KLHL4: variants seen among roughly 807,000 people sequenced by gnomAD.
KLHL4 encodes kelch-like protein 4.
KLHL4 carries 17 observed loss-of-function variants against 45.8 expected under a neutral mutation model. The ratio of observed to expected loss-of-function variants is 0.37; its 90% confidence interval spans 0.25 to 0.56. The LOEUF (loss-of-function observed/expected upper bound fraction) is 0.56. KLHL4 is among the 20% of genes least tolerant of loss of function. The probability of loss-of-function intolerance (pLI) is 0.79; values close to 1 mark genes in which losing one functional copy is unlikely to be tolerated. For missense variants in KLHL4, 544 were observed against 544.9 expected (o/e 1.00, Z 0.02); for synonymous variants, 224 against 189.9 (o/e 1.18, Z -1.47).
At chrX:87,526,199 T>G (rs769205487) in intron 1 of KLHL4, among the ~76,000 whole-genome samples, 2 of 112,368 alleles carry the variant, frequency 1.8e-5, no homozygotes, top group South Asian at 7.3e-4. Context: ...AGTAACAGAC[T>G]GTCACATAAA....
chrX:87,572,695 T>G (rs1392441423), intron 1 of KLHL4, among the ~76,000 whole-genome samples: 1 of 110,051 alleles, frequency 9.1e-6, no homozygotes, highest in African/African-American at 3.3e-5. Context: ...GTTTCTATAG[T>G]TGAATAGTAA....
Position 87,668,421 on chromosome X carries a change from G to T in KLHL4, c.*1887G>T, listed in dbSNP as rs1410796128. ...TCTTCTCAATGGCATAGCTGGACTT[G>T]ATTAAGTATTGACTCATAGAAGAGA... On this transcript the variant is annotated 3_prime_UTR_variant, in exon 11 of 11. Transcript: ENST00000373119. 6.7e-6 allele frequency: 5 copies of T among 749,587 alleles called. No homozygotes were observed. The highest frequency in any genetic ancestry group is 7.9e-6 in the Non-Finnish European group (5 of 636,127). 61.8% of individuals were successfully genotyped at this position (749,587 alleles called of 1,213,427 possible).
intron 1 of KLHL4, among the ~76,000 whole-genome samples, chrX:87,552,777 G>A (rs984365421): frequency 8.2e-5 from 9 of 109,281 alleles, no homozygotes; most frequent in African/African-American, 2.7e-4. Context: ...CATGGACATA[G>A]AGAGTAGAAG....
chrX:87,657,603 G>A (rs1432288064), intron 9 of KLHL4, among the ~76,000 whole-genome samples: 1 of 111,691 alleles, frequency 9.0e-6, no homozygotes, highest in East Asian at 2.8e-4. Flanking sequence ...GTGCACTTAT[G>A]TCAGCAGTTG....
chrX:87,548,249 A>G (rs1280921347), intron 1 of KLHL4, among the ~76,000 whole-genome samples: 1 of 111,952 alleles, frequency 8.9e-6, no homozygotes, highest in Non-Finnish European at 1.9e-5. Flanking sequence ...CTAGAATAGT[A>G]TATCTGGTGA....
chrX:87,594,238 C>A (rs1921765040), intron 1 of KLHL4, among the ~76,000 whole-genome samples: 1 of 111,692 alleles, frequency 9.0e-6, no homozygotes, highest in Non-Finnish European at 1.9e-5. Context: ...TAAATGTATG[C>A]ATGCTGTTTT....
intron 3 of KLHL4, among the ~76,000 whole-genome samples, chrX:87,617,607 A>G (rs11796874): frequency 0.19 from 20,882 of 111,244 alleles, 1,461 homozygotes; most frequent in Non-Finnish European, 0.21. Context: ...ATTCTCATGT[A>G]CATATACAAT....
At chrX:87,567,382 A>T (rs2147788160) in intron 1 of KLHL4, among the ~76,000 whole-genome samples, 1 of 112,028 alleles carries the variant, frequency 8.9e-6, no homozygotes, top group Admixed American at 9.5e-5. Flanking sequence ...AAGTATGTAA[A>T]ACAATGCATT....
intron 3 of KLHL4, 57 bp from the exon 4 acceptor site, chrX:87,617,875 A>G (rs1270428966): frequency 3.0e-6 from 3 of 1,000,669 alleles, no homozygotes; most frequent in Admixed American, 5.7e-5. Context: ...CAACTAGTTG[A>G]CGTAGTTTTT....
chrX:87,545,432 C>A (rs1450828417), intron 1 of KLHL4, among the ~76,000 whole-genome samples: 1 of 111,345 alleles, frequency 9.0e-6, no homozygotes, highest in Admixed American at 9.6e-5. Flanking sequence ...GCTGTCCCCC[C>A]TTTGCTTCCT....
intron 1 of KLHL4, among the ~76,000 whole-genome samples, chrX:87,567,878 G>A (rs929887719): frequency 1.8e-5 from 2 of 110,172 alleles, no homozygotes; most frequent in African/African-American, 6.6e-5. Flanking sequence ...CTAGGTGATG[G>A]GATCATCCAT....
chrX:87,522,493 T>C (rs1234612186), intron 1 of KLHL4, among the ~76,000 whole-genome samples: 2 of 111,804 alleles, frequency 1.8e-5, no homozygotes, highest in Non-Finnish European at 3.8e-5. Context: ...CTCCAGGCAT[T>C]ATATCTGTTA....
At chrX:87,651,500 G>A (rs1354395147) in intron 9 of KLHL4, among the ~76,000 whole-genome samples, 1 of 112,471 alleles carries the variant, frequency 8.9e-6, no homozygotes, top group Admixed American at 9.4e-5. Context: ...TACAGTGGTG[G>A]TACAGGCATT....
At chrX:87,556,393 A>T (rs1931974045) in intron 1 of KLHL4, among the ~76,000 whole-genome samples, 1 of 109,421 alleles carries the variant, frequency 9.1e-6, no homozygotes, top group African/African-American at 3.3e-5. Context: ...GAAATTGGAA[A>T]TCATCATTCT....
intron 1 of KLHL4, among the ~76,000 whole-genome samples, chrX:87,580,037 A>C (rs1484700032): frequency 8.9e-6 from 1 of 112,243 alleles, no homozygotes; most frequent in African/African-American, 3.2e-5. Flanking sequence ...GTGTTAGTGG[A>C]TACACAATGT....
At chrX:87,653,244 T>A (rs1276110597) in intron 9 of KLHL4, among the ~76,000 whole-genome samples, 1 of 111,828 alleles carries the variant, frequency 8.9e-6, no homozygotes, top group Non-Finnish European at 1.9e-5. Flanking sequence ...CAGTTTCAAT[T>A]TTCTGCATAT....
chrX:87,641,821 C>T (rs952134447), intron 9 of KLHL4, among the ~76,000 whole-genome samples: 7 of 110,553 alleles, frequency 6.3e-5, no homozygotes, highest in African/African-American at 2.3e-4. Context: ...AGCCATAATC[C>T]TCCTAGGTAC....
At chrX:87,519,625 C>T (rs1044990220) in intron 1 of KLHL4, among the ~76,000 whole-genome samples, 21 of 112,085 alleles carry the variant, frequency 1.9e-4, no homozygotes, top group African/African-American at 5.8e-4. Context: ...TGTGCTTGCT[C>T]GTGGAAAAGC....
intron 1 of KLHL4, among the ~76,000 whole-genome samples, chrX:87,521,866 G>A (rs1288098320): frequency 8.9e-6 from 1 of 112,370 alleles, no homozygotes; most frequent in Non-Finnish European, 1.9e-5. Context: ...CACATGTGTG[G>A]TCCATGACCA....
Sources: allele counts gnomAD v4.1 joint callset (sites outside exome capture counted in the v4.1 genomes callset), GRCh38; gene constraint gnomAD v4.1.1; transcripts MANE v1.5; gene names NCBI Gene and HGNC (gene_info 2026-07-23, HGNC 2026-07-21).